The following ARHGAP15 variants were observed in gnomAD, a reference collection of about 807,000 sequenced individuals.
ARHGAP15 encodes rho GTPase-activating protein 15.
In ARHGAP15, 51 loss-of-function variants were observed where a neutral mutation model predicts 63.7. That is an observed-to-expected ratio of 0.80 (90% CI 0.64 to 1.01). The LOEUF (loss-of-function observed/expected upper bound fraction) is 1.01. Among genes scored for constraint, ARHGAP15 ranks in the 50% least tolerant of loss-of-function variants. ARHGAP15 has a pLI of 0.00. For synonymous variants in ARHGAP15, 191 were observed against 193.8 expected (o/e 0.99, Z 0.12); for missense variants, 560 against 564.6 (o/e 0.99, Z 0.08).
chr2:143,201,466 G>T (rs928669659), intron 2 of ARHGAP15, among the ~76,000 whole-genome samples: 1 of 151,912 alleles, frequency 6.6e-6, no homozygotes, highest in Non-Finnish European at 1.5e-5. Context: ...GGGTAATTGG[G>T]GTATTCACTA....
chr2:143,461,176 G>T (rs1315586104), intron 8 of ARHGAP15, among the ~76,000 whole-genome samples: 2 of 148,436 alleles, frequency 1.3e-5, no homozygotes, highest in Non-Finnish European at 1.5e-5. Flanking sequence ...TGTAATCCCA[G>T]CTACTCGGGA....
At chr2:143,249,575 C>T (rs780883092) in intron 5 of ARHGAP15, among the ~76,000 whole-genome samples, 1 of 151,840 alleles carries the variant, frequency 6.6e-6, no homozygotes, top group Non-Finnish European at 1.5e-5. Context: ...ACAGAGAAAC[C>T]TAGAAAATTT....
At chr2:143,619,696 A>G (rs919407745) in intron 11 of ARHGAP15, among the ~76,000 whole-genome samples, 3 of 152,156 alleles carry the variant, frequency 2.0e-5, no homozygotes, top group Non-Finnish European at 4.4e-5. Flanking sequence ...GATCATGAAG[A>G]TGGATATCCC....
chr2:143,589,591 G>T (rs1471344381), intron 11 of ARHGAP15, among the ~76,000 whole-genome samples: 1 of 152,154 alleles, frequency 6.6e-6, no homozygotes, highest in Non-Finnish European at 1.5e-5. Flanking sequence ...AAGTCAATGT[G>T]CTCTTAGCCA....
intron 5 of ARHGAP15, among the ~76,000 whole-genome samples, chr2:143,239,009 A>T (rs943964867): frequency 6.6e-5 from 10 of 152,074 alleles, no homozygotes; most frequent in Admixed American, 6.6e-5. Context: ...GGGGAACAAC[A>T]AATACTGGGG....
intron 10 of ARHGAP15, among the ~76,000 whole-genome samples, chr2:143,525,356 A>C (rs944956983): frequency 1.2e-4 from 8 of 67,890 alleles, no homozygotes; most frequent in African/African-American, 3.1e-4. Context: ...TACATGCTCC[A>C]AAAAAAAAAA....
intron 2 of ARHGAP15, among the ~76,000 whole-genome samples, chr2:143,198,774 C>T (rs927739399): frequency 2.0e-5 from 3 of 152,132 alleles, no homozygotes; most frequent in African/African-American, 7.2e-5. Context: ...AATGGTGCAA[C>T]TGACATAGTT....
chr2:143,594,061 CATAT>C (rs901671734), intron 11 of ARHGAP15, among the ~76,000 whole-genome samples: 1 of 151,970 alleles, frequency 6.6e-6, no homozygotes, highest in East Asian at 1.9e-4. Context: ...TGTTAAAATA[CATAT>C]ATATGTGTGT....
At chr2:143,153,843 T>TCCTCC (rs1558779622) in intron 1 of ARHGAP15, among the ~76,000 whole-genome samples, 2,896 of 86,674 alleles carry the variant, frequency 0.033, 242 homozygotes, top group Non-Finnish European at 0.036. Context: ...CTTCTTCTTC[T>TCCTCC]TCCTCCTCCT....
intron 11 of ARHGAP15, among the ~76,000 whole-genome samples, chr2:143,567,969 G>A (rs953746376): frequency 6.6e-6 from 1 of 152,156 alleles, no homozygotes. Flanking sequence ...CTAGTCATAT[G>A]TAGAAAGCTG....
At chr2:143,351,827 G>A (rs1052336949) in intron 6 of ARHGAP15, among the ~76,000 whole-genome samples, 3 of 152,046 alleles carry the variant, frequency 2.0e-5, no homozygotes, top group Admixed American at 1.3e-4. Flanking sequence ...CATGGAATTA[G>A]GAATATGATA....
At chr2:143,713,049 T>A (rs909046720) in intron 13 of ARHGAP15, among the ~76,000 whole-genome samples, 3 of 152,278 alleles carry the variant, frequency 2.0e-5, no homozygotes, top group Admixed American at 6.5e-5. Context: ...TTGAACAAGA[T>A]GATAATCTAA....
At chr2:143,412,199 C>T (rs1481521914) in intron 6 of ARHGAP15, among the ~76,000 whole-genome samples, 2 of 152,012 alleles carry the variant, frequency 1.3e-5, no homozygotes, top group African/African-American at 2.4e-5. Flanking sequence ...TGGAACAGTT[C>T]GGAAGCTCTA....
chr2:143,708,923 A>G (rs1684450298), intron 13 of ARHGAP15, among the ~76,000 whole-genome samples: 1 of 152,052 alleles, frequency 6.6e-6, no homozygotes, highest in Admixed American at 6.6e-5. Context: ...TGTCCCAGTC[A>G]CCAATATAAA....
At chr2:143,303,709 T>C (rs2105161907) in intron 6 of ARHGAP15, among the ~76,000 whole-genome samples, 1 of 151,954 alleles carries the variant, frequency 6.6e-6, no homozygotes, top group African/African-American at 2.4e-5. Flanking sequence ...TGCAATCTAC[T>C]CATCTGACAA....
At chr2:143,460,681 T>G (rs562379337) in intron 8 of ARHGAP15, among the ~76,000 whole-genome samples, 1 of 152,188 alleles carries the variant, frequency 6.6e-6, no homozygotes, top group South Asian at 2.1e-4. Flanking sequence ...AGTGATATAA[T>G]GTGCTAGGAA....
intron 6 of ARHGAP15, among the ~76,000 whole-genome samples, chr2:143,318,712 T>TG (rs1317295572): frequency 1.3e-5 from 2 of 152,082 alleles, no homozygotes. Context: ...AGGATCATGA[T>TG]GAGGGTTAAA....
At chr2:143,443,794 G>T (rs1417950746) in intron 8 of ARHGAP15, among the ~76,000 whole-genome samples, 4 of 152,094 alleles carry the variant, frequency 2.6e-5, no homozygotes, top group Admixed American at 2.6e-4. Context: ...ATGCATGAAG[G>T]TCCCAGGCTT....
At chr2:143,726,500 G>T (rs1685285966) in intron 13 of ARHGAP15, among the ~76,000 whole-genome samples, 1 of 151,956 alleles carries the variant, frequency 6.6e-6, no homozygotes, top group African/African-American at 2.4e-5. Flanking sequence ...CCAGTATTGT[G>T]GGTACCACAC....
Sources: gnomAD v4.1 joint callset for allele counts (sites outside exome capture counted in the v4.1 genomes callset) on GRCh38, gnomAD v4.1.1 for gene constraint, MANE v1.5 for transcripts, NCBI Gene and HGNC (gene_info 2026-07-23, HGNC 2026-07-21) for gene names.